The following ALK variants were observed in gnomAD, a reference collection of about 807,000 sequenced individuals.
ALK encodes ALK tyrosine kinase receptor.
ALK carries 74 observed loss-of-function variants against 163.1 expected under a neutral mutation model. The ratio of observed to expected loss-of-function variants is 0.45; its 90% CI spans 0.38 to 0.55. The LOEUF (loss-of-function observed/expected upper bound fraction) is 0.55. Ranked by LOEUF, ALK falls within the 20% of genes least tolerant of loss-of-function variation. The pLI, the probability that ALK is intolerant of heterozygous loss-of-function variation, is 0.00. For synonymous variants in ALK, 960 were observed against 843.2 expected (o/e 1.14, Z -2.40); for missense variants, 2,063 against 2,105.3 (o/e 0.98, Z 0.39).
At chr2:29,412,931 C>G (rs984549895) in intron 4 of ALK, among the ~76,000 whole-genome samples, 2 of 152,206 alleles carry the variant, frequency 1.3e-5, no homozygotes, top group African/African-American at 4.8e-5. Context: ...TGTCTCCTTG[C>G]CTTCAATGAA....
intron 6 of ALK, among the ~76,000 whole-genome samples, chr2:29,323,252 TTATTA>T (rs1667131147): frequency 6.6e-6 from 1 of 152,204 alleles, no homozygotes; most frequent in Non-Finnish European, 1.5e-5. Context: ...GGTGGTAGTG[TTATTA>T]ATTGCCATTC....
At chr2:29,588,240 T>C (rs1674944678) in intron 3 of ALK, among the ~76,000 whole-genome samples, 2 of 152,090 alleles carry the variant, frequency 1.3e-5, no homozygotes, top group African/African-American at 4.8e-5. Context: ...TTATTTTTAT[T>C]TTTATTTTTG....
chr2:29,237,881 C>G (rs1664422966), intron 13 of ALK, among the ~76,000 whole-genome samples: 1 of 152,178 alleles, frequency 6.6e-6, no homozygotes, highest in Non-Finnish European at 1.5e-5. Context: ...TCCTGTAATA[C>G]ACAGGACAGA....
chr2:29,885,748 A>G (rs555238101), intron 1 of ALK, among the ~76,000 whole-genome samples: 3 of 152,342 alleles, frequency 2.0e-5, no homozygotes, highest in South Asian at 2.1e-4. Flanking sequence ...ACAAATTGAC[A>G]GTAGACAATC....
chr2:29,861,493 C>T (rs1666290414), intron 1 of ALK, among the ~76,000 whole-genome samples: 1 of 152,000 alleles, frequency 6.6e-6, no homozygotes, highest in Non-Finnish European at 1.5e-5. Flanking sequence ...TAACAGATTA[C>T]TATCAACAAT....
chr2:29,733,830 G>A (rs1353654461), intron 1 of ALK, among the ~76,000 whole-genome samples: 1 of 152,072 alleles, frequency 6.6e-6, no homozygotes, highest in African/African-American at 2.4e-5. Flanking sequence ...AGGTTTTCAG[G>A]GCTGTGCAGG....
At position 29,192,877 on chromosome 2, in the gene ALK, CAT is replaced by C; in HGVS notation, c.*345_*346del. The C allele has an allele frequency of 4.9e-6, 2 of 412,270 alleles. No individual in the cohort carries two copies. Among genetic ancestry groups the C allele is most frequent in the South Asian group, 2.6e-5 (1 of 38,996 alleles). The allele number at this position is 412,270 out of a possible 1,614,324, so 25.5% of individuals were successfully genotyped here. On this transcript the variant is annotated 3_prime_UTR_variant, in exon 29 of 29. Transcript: ENST00000389048. The stretch of plus-strand genomic sequence containing the variant: ...AACATCTATGACCCCAACTATGAAA[CAT>C]AGAAGCAGCTAATTCTGACTACATT...
intron 1 of ALK, among the ~76,000 whole-genome samples, chr2:29,807,335 G>A (rs1042251342): frequency 1.6e-4 from 25 of 152,304 alleles, no homozygotes; most frequent in African/African-American, 5.5e-4. Flanking sequence ...TAACCATAGC[G>A]GTGTGAGTCT....
At chr2:29,323,522 C>T (rs541945899) in intron 6 of ALK, among the ~76,000 whole-genome samples, 15 of 152,170 alleles carry the variant, frequency 9.9e-5, no homozygotes, top group East Asian at 5.8e-4. Context: ...GACTCAATAA[C>T]GGGAGAGGAG....
intron 24 of ALK, among the ~76,000 whole-genome samples, chr2:29,213,781 C>T (rs764436486): frequency 1.3e-5 from 2 of 152,104 alleles, no homozygotes; most frequent in African/African-American, 4.8e-5. Flanking sequence ...CCCAGAAATT[C>T]GAGACCAGCC....
At chr2:29,721,560 A>G (rs1679423232) in intron 1 of ALK, among the ~76,000 whole-genome samples, 1 of 152,248 alleles carries the variant, frequency 6.6e-6, no homozygotes, top group South Asian at 2.1e-4. Flanking sequence ...TTCTCAGTGA[A>G]TGAATTTGTT....
intron 4 of ALK, among the ~76,000 whole-genome samples, chr2:29,399,623 G>A (rs1035250580): frequency 2.0e-5 from 3 of 152,190 alleles, no homozygotes; most frequent in African/African-American, 4.8e-5. Flanking sequence ...TCCTGCAAGT[G>A]GGAAGTGCCT....
intron 3 of ALK, among the ~76,000 whole-genome samples, chr2:29,597,392 A>C (rs1021661778): frequency 6.6e-6 from 1 of 152,196 alleles, no homozygotes; most frequent in Non-Finnish European, 1.5e-5. Context: ...AAGATGATAA[A>C]TCAAAGAAGA....
chr2:29,915,878 G>A (rs1667821067), intron 1 of ALK, among the ~76,000 whole-genome samples: 1 of 152,174 alleles, frequency 6.6e-6, no homozygotes, highest in Non-Finnish European at 1.5e-5. Context: ...AATAATCTAT[G>A]TTTAATTGGA....
chr2:29,907,753 T>G (rs1667589065), intron 1 of ALK, among the ~76,000 whole-genome samples: 1 of 152,184 alleles, frequency 6.6e-6, no homozygotes, highest in Non-Finnish European at 1.5e-5. Flanking sequence ...CATCGATATC[T>G]TCAGCCTTGA....
At chr2:29,539,379 C>T (rs1329061436) in intron 3 of ALK, among the ~76,000 whole-genome samples, 1 of 152,042 alleles carries the variant, frequency 6.6e-6, no homozygotes, top group African/African-American at 2.4e-5. Flanking sequence ...TATATGTTAT[C>T]AGCAATAATT....
chr2:29,792,977 C>G (rs533044808), intron 1 of ALK, among the ~76,000 whole-genome samples: 22 of 152,232 alleles, frequency 1.4e-4, no homozygotes, highest in Admixed American at 1.2e-3. Flanking sequence ...CATCCATTGA[C>G]TCTTCCTTTC....
chr2:29,276,041 T>G (rs6749171), intron 9 of ALK, among the ~76,000 whole-genome samples: 135,301 of 152,150 alleles, frequency 0.89, 61,500 homozygotes, highest in Non-Finnish European at 0.99. Flanking sequence ...TTCCACCAGT[T>G]CCCCTTGCTT....
intron 4 of ALK, among the ~76,000 whole-genome samples, chr2:29,474,825 C>T (rs1671463967): frequency 6.6e-6 from 1 of 152,042 alleles, no homozygotes; most frequent in Non-Finnish European, 1.5e-5. Flanking sequence ...AGAGGTGGAG[C>T]AAGGGGTGGT....
Sources: gnomAD v4.1 joint callset for allele counts (sites outside exome capture counted in the v4.1 genomes callset) on GRCh38, gnomAD v4.1.1 for gene constraint, MANE v1.5 for transcripts, NCBI Gene and HGNC (gene_info 2026-07-23, HGNC 2026-07-21) for gene names.